Variants in ADAMTS16 observed in about 807,000 individuals in gnomAD.
ADAMTS16 encodes ADAM metallopeptidase with thrombospondin type 1 motif 16, also known as A disintegrin and metalloproteinase with thrombospondin motifs 16.
In ADAMTS16, 94 loss-of-function variants were observed where a neutral mutation model predicts 145.8. The ratio of observed to expected loss-of-function variants is 0.64; its 90% CI spans 0.55 to 0.77. ADAMTS16 has a LOEUF of 0.77. Among genes scored for constraint, ADAMTS16 ranks in the 30% least tolerant of loss-of-function variants. ADAMTS16 has a pLI of 0.00. For synonymous variants in ADAMTS16, 659 were observed against 604.3 expected, an observed-to-expected ratio of 1.09 and a Z score of -1.33; for missense variants, 1,585 against 1,591.5, an observed-to-expected ratio of 1.00 and a Z score of 0.07.
chr5:5,194,292 A>G (rs1158083927), intron 8 of ADAMTS16, among the ~76,000 whole-genome samples: 1 of 152,204 alleles, frequency 6.6e-6, no homozygotes, highest in Non-Finnish European at 1.5e-5. Context: ...ATATGTATCT[A>G]TCATGTGCTA....
At chr5:5,203,270 G>A (rs1409987091) in intron 9 of ADAMTS16, among the ~76,000 whole-genome samples, 1 of 152,094 alleles carries the variant, frequency 6.6e-6, no homozygotes, top group Non-Finnish European at 1.5e-5. Flanking sequence ...GTTGCAAATT[G>A]GACACTTCTA....
At position 5,262,659 on chromosome 5, in the gene ADAMTS16, C is replaced by A; in HGVS notation, c.2665C>A (p.Gln889Lys). ...SECSVSCGGG[Q>K]MTVREGCYRD... ...CTACATTTCATCCTTGCCTGCAGGA[C>A]AGATGACCGTGAGAGAGGGCTGCTA... The change falls in exon 18 of 23, where the codon CAG becomes AAG. Residue 889 changes from glutamine (Q) to lysine (K), a missense_variant and splice_region_variant. By Grantham distance (53) the Gln-to-Lys change is moderately conservative. Around this residue, in one of 3 missense-constraint regions of ADAMTS16, gnomAD observed 834 missense variants for 811.7 expected, o/e 1.03. Coordinates refer to ENST00000274181, the MANE Select transcript of ADAMTS16 (RefSeq NM_139056.4). The A allele has an allele frequency of 6.2e-7, 1 of 1,613,694 alleles. No homozygotes were observed. Among genetic ancestry groups the A allele is most frequent in the East Asian group, 2.2e-5 (1 of 44,880 alleles).
chr5:5,147,886 C>T (rs1168012413), intron 3 of ADAMTS16, among the ~76,000 whole-genome samples: 1 of 152,082 alleles, frequency 6.6e-6, no homozygotes, highest in African/African-American at 2.4e-5. Flanking sequence ...TCTTGCTAAC[C>T]CAGCAAGGAT....
At chr5:5,189,745 C>T (rs902871438) in intron 6 of ADAMTS16, among the ~76,000 whole-genome samples, 6 of 152,178 alleles carry the variant, frequency 3.9e-5, no homozygotes, top group Admixed American at 1.3e-4. Context: ...CAGCCAGATA[C>T]ATTTCAATTG....
intron 2 of ADAMTS16, among the ~76,000 whole-genome samples, chr5:5,144,073 T>G (rs575613286): frequency 1.1e-3 from 174 of 152,198 alleles, no homozygotes; most frequent in African/African-American, 4.2e-3. Flanking sequence ...CATGTATACC[T>G]ATGTAACAAA....
In ADAMTS16 at chr5:5,190,029, A is replaced by T; in HGVS notation, c.1106A>T (p.Gln369Leu). Residue 369 changes from glutamine (Q) to leucine (L), a missense_variant, in exon 7 of 23, where the codon CAG (glutamine) becomes CTG (leucine). By Grantham distance (113) the Gln-to-Leu change is moderately radical. Around this residue, in one of 3 missense-constraint regions of ADAMTS16, gnomAD observed 298 missense variants for 367.6 expected, o/e 0.81. Transcript: ENST00000274181. ...DHTLSSFCQW[Q>L]SGLMGKDGTR... The stretch of plus-strand genomic sequence containing the variant: ...ACCTTAAGTAGCTTCTGCCAGTGGC[A>T]GTCTGGATTGATGGGGAAAGATGGG... 2 of 1,613,408 alleles carry T rather than the reference A, an allele frequency of 1.2e-6. No individual in the cohort carries two copies. Among genetic ancestry groups the T allele is most frequent in the Non-Finnish European group, 1.7e-6 (2 of 1,179,710 alleles).
intron 18 of ADAMTS16, among the ~76,000 whole-genome samples, chr5:5,270,898 C>T (rs1459171046): frequency 6.6e-6 from 1 of 152,172 alleles, no homozygotes; most frequent in Non-Finnish European, 1.5e-5. Flanking sequence ...GCTCTGTCCT[C>T]AGCAGCCTGG....
chr5:5,260,663 C>T (rs1380652318), intron 17 of ADAMTS16, among the ~76,000 whole-genome samples: 1 of 152,168 alleles, frequency 6.6e-6, no homozygotes, highest in Non-Finnish European at 1.5e-5. Flanking sequence ...GACAGTGGCT[C>T]CTGCTTTGGA....
chr5:5,171,656 G>T (rs945506540), intron 3 of ADAMTS16, among the ~76,000 whole-genome samples: 2 of 152,022 alleles, frequency 1.3e-5, no homozygotes, highest in Admixed American at 6.5e-5. Flanking sequence ...TTTTTGTCTT[G>T]TTGAATTTGG....
At chr5:5,196,237 CA>C (rs10680781) in intron 8 of ADAMTS16, among the ~76,000 whole-genome samples, 47 of 95,058 alleles carry the variant, frequency 4.9e-4, no homozygotes, top group African/African-American at 1.5e-3. Context: ...GCCTCCATCT[CA>C]AAAAAAAAAA....
chr5:5,236,424 A>T (rs1171838966), intron 13 of ADAMTS16, among the ~76,000 whole-genome samples: 1 of 152,212 alleles, frequency 6.6e-6, no homozygotes, highest in East Asian at 1.9e-4. Flanking sequence ...CTATTTCTCT[A>T]GGTACCAATA....
Position 5,319,765 on chromosome 5 carries a change from G to A in ADAMTS16, c.*627G>A, listed in dbSNP as rs1316936315. On this transcript the variant is annotated 3_prime_UTR_variant, in exon 23 of 23. Transcript: ENST00000274181. ...TCACTGGCCAGGGGACTGCATTCTG[G>A]TTTGGGACTTTGCCTATGGAAATGG... 1 of 434,204 alleles carries A rather than the reference G, an allele frequency of 2.3e-6. No homozygotes were observed. Among genetic ancestry groups the A allele is most frequent in the African/African-American group, 2.0e-5 (1 of 49,036 alleles). 26.9% of individuals were successfully genotyped at this position (434,204 alleles called of 1,614,324 possible). A position where few individuals can be genotyped will look rare whatever the true frequency, so the allele number is the denominator to read the frequency against.
At chr5:5,228,106 A>G (rs1259631926) in intron 11 of ADAMTS16, among the ~76,000 whole-genome samples, 1 of 152,234 alleles carries the variant, frequency 6.6e-6, no homozygotes, top group Non-Finnish European at 1.5e-5. Flanking sequence ...TAAATATTTT[A>G]GATAACTTAA....
intron 7 of ADAMTS16, 94 bp from the exon 8 acceptor site, chr5:5,191,591 G>T (rs976417124): frequency 1.4e-5 from 14 of 1,014,046 alleles, no homozygotes; most frequent in Admixed American, 2.0e-5. Context: ...ATGAACATAA[G>T]AACTAAATTT....
chr5:5,258,229 G>A (rs1445539878), intron 17 of ADAMTS16, among the ~76,000 whole-genome samples: 7 of 152,172 alleles, frequency 4.6e-5, no homozygotes, highest in South Asian at 2.1e-4. Flanking sequence ...TGGTGAGGTC[G>A]GGGAGTGGGG....
At position 5,187,641 on chromosome 5, in the gene ADAMTS16, A is replaced by G. The variant is rs186570498; in HGVS notation, c.964-84A>G. 5.9e-6 allele frequency: 5 copies of G among 851,134 alleles called. No homozygotes were observed. In the East Asian group the frequency reaches 1.2e-4, roughly 21 times the overall value. 52.7% of individuals were successfully genotyped at this position (851,134 alleles called of 1,614,324 possible). A position where few individuals can be genotyped will look rare whatever the true frequency, so the allele number is the denominator to read the frequency against. On this transcript the variant is annotated intron_variant, in intron 5 of 22. Coordinates refer to ENST00000274181, the MANE Select transcript of ADAMTS16 (RefSeq NM_139056.4). The stretch of plus-strand genomic sequence containing the variant: ...TAACAGTGCTCTGTCACTGAAGAAC[A>G]AGGGCGTTGGATTCTAGGCCCGCTA...
At chr5:5,302,723 G>A (rs1207812866) in intron 18 of ADAMTS16, among the ~76,000 whole-genome samples, 3 of 152,172 alleles carry the variant, frequency 2.0e-5, no homozygotes, top group African/African-American at 4.8e-5. Context: ...TGACACAGCT[G>A]GGAATTGGAA....
intron 3 of ADAMTS16, among the ~76,000 whole-genome samples, chr5:5,155,911 T>C (rs1025186372): frequency 2.0e-5 from 3 of 151,866 alleles, no homozygotes; most frequent in African/African-American, 7.3e-5. Context: ...CCCACTGGGA[T>C]GGACAGGAGG....
At chr5:5,202,119 G>A (rs4702241) in intron 9 of ADAMTS16, among the ~76,000 whole-genome samples, 33,093 of 151,844 alleles carry the variant, frequency 0.22, 4,399 homozygotes, top group Admixed American at 0.43. Flanking sequence ...CTATGGCTGC[G>A]TCTTCCTTCA....
Sources: gnomAD v4.1 joint callset for allele counts (sites outside exome capture counted in the v4.1 genomes callset) on GRCh38, gnomAD v4.1.1 for gene constraint, gnomAD v4.1.1 regional missense constraint, MANE v1.5 for transcripts, NCBI Gene and HGNC (gene_info 2026-07-23, HGNC 2026-07-21) for gene names.